The following LINGO2 variants were observed in gnomAD, a reference collection of about 807,000 sequenced individuals.
The protein encoded by LINGO2 is leucine-rich repeat and immunoglobulin-like domain-containing nogo receptor-interacting protein 2.
In LINGO2, 14 loss-of-function variants were observed where a neutral mutation model predicts 30.6. The observed-to-expected ratio is 0.46, with a 90% CI of 0.30 to 0.72. The LOEUF (loss-of-function observed/expected upper bound fraction) is 0.72. Among genes scored for constraint, LINGO2 ranks in the 30% least tolerant of loss-of-function variants. The pLI, the probability that LINGO2 is intolerant of heterozygous loss-of-function variation, is 0.07. For synonymous variants in LINGO2, 317 were observed against 288.5 expected (o/e 1.10, Z -1.00); for missense variants, 729 against 751.7 (o/e 0.97, Z 0.35).
At chr9:29,175,657 G>C in the LINGO2 span, among the ~76,000 whole-genome samples, 14 of 151,376 alleles carry the variant, frequency 9.2e-5, no homozygotes, top group Admixed American at 2.6e-4. Context: ...CTCCTGAGTA[G>C]CTGGGATTGC....
the LINGO2 span, among the ~76,000 whole-genome samples, chr9:28,992,350 A>G: frequency 6.6e-6 from 1 of 152,184 alleles, no homozygotes; most frequent in Non-Finnish European, 1.5e-5. Context: ...ATACGGGAGC[A>G]CCCAAATTCA....
At chr9:28,280,739 T>C (rs774263458) in intron 4 of LINGO2, among the ~76,000 whole-genome samples, 1 of 152,132 alleles carries the variant, frequency 6.6e-6, no homozygotes, top group East Asian at 1.9e-4. Context: ...ATTTCAGTGA[T>C]AGTGCCATAG....
chr9:28,562,167 A>G (rs1307772629), intron 1 of LINGO2, among the ~76,000 whole-genome samples: 1 of 152,000 alleles, frequency 6.6e-6, no homozygotes, highest in African/African-American at 2.4e-5. Context: ...GAACCAAGCT[A>G]AGATGATTGG....
chr9:28,615,239 T>C (rs897469213), intron 1 of LINGO2, among the ~76,000 whole-genome samples: 2 of 152,132 alleles, frequency 1.3e-5, no homozygotes, highest in African/African-American at 4.8e-5. Flanking sequence ...AGAGGGCCCA[T>C]GGATAATTCA....
intron 2 of LINGO2, among the ~76,000 whole-genome samples, chr9:28,380,781 T>C (rs1367649566): frequency 6.6e-6 from 1 of 152,048 alleles, no homozygotes; most frequent in Non-Finnish European, 1.5e-5. Context: ...AGATGGAATA[T>C]AGAACAGCTG....
At chr9:28,981,295 C>G in the LINGO2 span, among the ~76,000 whole-genome samples, 14 of 152,190 alleles carry the variant, frequency 9.2e-5, no homozygotes, top group African/African-American at 3.4e-4. Context: ...AGTCTGATCT[C>G]AGACTTCTGC....
At chr9:29,156,470 T>A in the LINGO2 span, among the ~76,000 whole-genome samples, 1 of 152,126 alleles carries the variant, frequency 6.6e-6, no homozygotes, top group Admixed American at 6.5e-5. Flanking sequence ...TTCATTTAAA[T>A]CTGGGTTTCT....
At position 28,148,455 on chromosome 9, in the gene LINGO2, G is replaced by A. The variant is rs4007455; in HGVS notation, c.-86-136050C>T. The stretch of plus-strand genomic sequence containing the variant: ...ATGGAGGTGAGGGCAGAAGAGCCCA[G>A]AGAAGCAACGGAGGTGACAGACCAG... On this transcript the variant is annotated intron_variant, in intron 4 of 5. Coordinates refer to ENST00000379992, the Ensembl canonical transcript of LINGO2. The surrounding 1 kb of genome is among the most constrained non-coding windows in gnomAD (Gnocchi z 5.1). 7.1e-7 allele frequency: 1 copy of A among 1,404,012 alleles called. No homozygotes were observed. Among genetic ancestry groups the A allele is most frequent in the Non-Finnish European group, 9.7e-7 (1 of 1,027,618 alleles). 87.0% of individuals were successfully genotyped at this position (1,404,012 alleles called of 1,614,324 possible). A position where few individuals can be genotyped will look rare whatever the true frequency, so the allele number is the denominator to read the frequency against.
At chr9:28,168,600 C>A (rs900708175) in intron 4 of LINGO2, among the ~76,000 whole-genome samples, 1 of 152,188 alleles carries the variant, frequency 6.6e-6, no homozygotes, top group Non-Finnish European at 1.5e-5. Context: ...TTCTAAATGG[C>A]TATAAATTAG....
chr9:28,022,337 G>C (rs1225979263), intron 4 of LINGO2, among the ~76,000 whole-genome samples: 1 of 151,798 alleles, frequency 6.6e-6, no homozygotes, highest in African/African-American at 2.4e-5. Flanking sequence ...CTATTAAACA[G>C]TTCTTTTATA....
At chr9:28,328,021 C>T (rs929790465) in intron 3 of LINGO2, among the ~76,000 whole-genome samples, 3 of 152,080 alleles carry the variant, frequency 2.0e-5, no homozygotes, top group Non-Finnish European at 4.4e-5. Context: ...ACTTTTGGAC[C>T]CTGTGAATGT....
chr9:28,364,266 T>C (rs1286059077), intron 3 of LINGO2, among the ~76,000 whole-genome samples: 1 of 152,196 alleles, frequency 6.6e-6, no homozygotes, highest in Non-Finnish European at 1.5e-5. Context: ...AATTCAACAT[T>C]CTTTTTTGCA....
chr9:28,656,620 G>A (rs1469998341), intron 1 of LINGO2, among the ~76,000 whole-genome samples: 1 of 152,064 alleles, frequency 6.6e-6, no homozygotes, highest in African/African-American at 2.4e-5. Context: ...GAGAGATTGA[G>A]ATTAAAGGAC....
chr9:27,999,381 G>T (rs976389004), intron 5 of LINGO2, among the ~76,000 whole-genome samples: 4 of 151,364 alleles, frequency 2.6e-5, no homozygotes, highest in African/African-American at 7.3e-5. Context: ...GCTGGCCGAC[G>T]AACTGCAGAT....
At chr9:28,154,162 A>G (rs988685865) in intron 4 of LINGO2, among the ~76,000 whole-genome samples, 2 of 152,170 alleles carry the variant, frequency 1.3e-5, no homozygotes, top group Non-Finnish European at 2.9e-5. Flanking sequence ...GAGAAGACAG[A>G]GGTAAAGGAA....
intron 2 of LINGO2, among the ~76,000 whole-genome samples, chr9:28,428,000 C>T (rs1329376181): frequency 6.6e-6 from 1 of 152,094 alleles, no homozygotes; most frequent in Non-Finnish European, 1.5e-5. Context: ...CATCTGTTTC[C>T]TTTGCAGAGT....
intron 1 of LINGO2, among the ~76,000 whole-genome samples, chr9:28,564,521 G>A (rs1045558918): frequency 6.6e-6 from 1 of 152,004 alleles, no homozygotes; most frequent in Admixed American, 6.6e-5. Context: ...CTTTCATACA[G>A]CAAGCAGAGG....
At chr9:28,346,593 A>T (rs189680599) in intron 3 of LINGO2, among the ~76,000 whole-genome samples, 1 of 152,178 alleles carries the variant, frequency 6.6e-6, no homozygotes, top group Non-Finnish European at 1.5e-5. Flanking sequence ...GTCTCTTTTG[A>T]GCTGTTTCAG....
chr9:28,179,730 G>T (rs1232396010), intron 4 of LINGO2, among the ~76,000 whole-genome samples: 2 of 144,240 alleles, frequency 1.4e-5, no homozygotes, highest in Non-Finnish European at 3.0e-5. Flanking sequence ...TATATATATA[G>T]TATTTTCCCT....
Sources: gnomAD v4.1 joint callset for allele counts (sites outside exome capture counted in the v4.1 genomes callset) on GRCh38, gnomAD v4.1.1 for gene constraint, Gnocchi (gnomAD v3.1) non-coding constraint, MANE v1.5 for transcripts, NCBI Gene and HGNC (gene_info 2026-07-23, HGNC 2026-07-21) for gene names.